KAT6B: variants seen among roughly 807,000 people sequenced by gnomAD.
The protein encoded by KAT6B is histone acetyltransferase KAT6B.
A neutral mutation model predicts 187.5 loss-of-function variants in KAT6B; 10 were observed. The observed-to-expected ratio is 0.05, with a 90% CI of 0.03 to 0.09. The LOEUF (loss-of-function observed/expected upper bound fraction) is 0.09, where lower values mean the gene tolerates loss of function less well. Ranked by LOEUF, KAT6B falls within the 10% of genes least tolerant of loss-of-function variation. The probability of loss-of-function intolerance (pLI) is 1.00; values close to 1 mark genes in which losing one functional copy is unlikely to be tolerated. For synonymous variants in KAT6B, 861 were observed against 926.8 expected (o/e 0.93, Z 1.29); for missense variants, 1,952 against 2,558.9 (o/e 0.76, Z 5.12).
intron 1 of KAT6B, among the ~76,000 whole-genome samples, chr10:74,834,883 T>C (rs1841171594): frequency 6.6e-6 from 1 of 152,238 alleles, no homozygotes; most frequent in African/African-American, 2.4e-5. Context: ...GGACTTGGTG[T>C]CCCTTTTGTT....
At chr10:74,977,204 A>T (rs1842214206) in intron 8 of KAT6B, 112 bp from the exon 9 acceptor site, 1 of 1,122,860 alleles carries the variant, frequency 8.9e-7, no homozygotes, top group Non-Finnish European at 1.3e-6. Flanking sequence ...ATAAAGCTTT[A>T]AAAAAAATCC....
At chr10:74,944,843 T>C (rs1048674424) in intron 3 of KAT6B, among the ~76,000 whole-genome samples, 2 of 138,658 alleles carry the variant, frequency 1.4e-5, no homozygotes, top group Non-Finnish European at 3.1e-5. Flanking sequence ...AGGATATGCA[T>C]ATTAAAATCA....
At chr10:74,914,562 G>A (rs1847512916) in intron 3 of KAT6B, among the ~76,000 whole-genome samples, 1 of 152,118 alleles carries the variant, frequency 6.6e-6, no homozygotes, top group East Asian at 1.9e-4. Flanking sequence ...GTGAGTGAGG[G>A]ACGTCAGCCA....
chr10:74,914,746 G>A (rs1017851928), intron 3 of KAT6B, among the ~76,000 whole-genome samples: 5 of 152,004 alleles, frequency 3.3e-5, no homozygotes, highest in Non-Finnish European at 7.4e-5. Context: ...CTTTGTTTTC[G>A]AAGACTAGTT....
At chr10:74,991,351 A>G (rs1289416683) in intron 13 of KAT6B, among the ~76,000 whole-genome samples, 1 of 152,240 alleles carries the variant, frequency 6.6e-6, no homozygotes, top group Non-Finnish European at 1.5e-5. Context: ...GGTACTTACT[A>G]GGTAAAAGTT....
chr10:75,021,032 G>T, intron 14 of KAT6B, 94 bp from the exon 15 acceptor site: 1 of 1,263,748 alleles, frequency 7.9e-7, no homozygotes, highest in Non-Finnish European at 1.2e-6. Context: ...TTTTCCTAAC[G>T]CAGATAACAT....
intron 3 of KAT6B, among the ~76,000 whole-genome samples, chr10:74,856,822 A>C (rs554249459): frequency 6.6e-6 from 1 of 152,260 alleles, no homozygotes; most frequent in South Asian, 2.1e-4. Flanking sequence ...GATTGCTTGA[A>C]TCCAGGAGAT....
At chr10:74,981,481 T>C (rs1230370232) in intron 10 of KAT6B, among the ~76,000 whole-genome samples, 1 of 152,126 alleles carries the variant, frequency 6.6e-6, no homozygotes, top group Admixed American at 6.5e-5. Flanking sequence ...TTAAGCGATC[T>C]TCCTGCCTCA....
intron 3 of KAT6B, 133 bp from the exon 4 acceptor site, chr10:74,959,837 A>T (rs1840966608): frequency 1.5e-6 from 1 of 682,318 alleles, no homozygotes; most frequent in African/African-American, 1.8e-5. Flanking sequence ...TTATTTAAAT[A>T]CGTTATTTAG....
intron 3 of KAT6B, among the ~76,000 whole-genome samples, chr10:74,889,730 G>A (rs1379174553): frequency 1.3e-5 from 2 of 152,182 alleles, no homozygotes; most frequent in Admixed American, 1.3e-4. Flanking sequence ...GAATAAATGG[G>A]CTTTTAAATC....
intron 6 of KAT6B, among the ~76,000 whole-genome samples, chr10:74,972,298 G>A (rs968126181): frequency 1.4e-4 from 22 of 151,986 alleles, no homozygotes; most frequent in African/African-American, 5.1e-4. Context: ...TGAGAGAGGG[G>A]CCACCTCTGC....
At chr10:74,973,590 TCTCA>T (rs1296209747) in intron 7 of KAT6B, among the ~76,000 whole-genome samples, 1 of 152,210 alleles carries the variant, frequency 6.6e-6, no homozygotes, top group Non-Finnish European at 1.5e-5. Flanking sequence ...CTGAAGCTGC[TCTCA>T]CTATCTTATT....
At chr10:75,001,136 G>T (rs976592516) in intron 13 of KAT6B, among the ~76,000 whole-genome samples, 2 of 152,102 alleles carry the variant, frequency 1.3e-5, no homozygotes, top group African/African-American at 4.8e-5. Flanking sequence ...AGATGCTTTA[G>T]GGTATGATTT....
At chr10:74,955,383 T>TCTCC (rs780626865) in intron 3 of KAT6B, among the ~76,000 whole-genome samples, 13 of 101,426 alleles carry the variant, frequency 1.3e-4, no homozygotes, top group African/African-American at 3.5e-4. Flanking sequence ...CACAATTTTA[T>TCTCC]CCCCCCCCCC....
chr10:74,840,831 A>G (rs542643030), intron 2 of KAT6B, among the ~76,000 whole-genome samples: 1 of 152,326 alleles, frequency 6.6e-6, no homozygotes, highest in Non-Finnish European at 1.5e-5. Context: ...TTGAACAAGT[A>G]TAGTTCAATG....
chr10:74,917,834 A>G (rs994597286), intron 3 of KAT6B, among the ~76,000 whole-genome samples: 2 of 152,250 alleles, frequency 1.3e-5, no homozygotes, highest in Non-Finnish European at 2.9e-5. Context: ...ATTTGGCATG[A>G]AAGTGTGAAA....
intron 4 of KAT6B, 30 bp from the exon 5 acceptor site, chr10:74,969,630 C>G (rs753791132): frequency 1.5e-6 from 2 of 1,326,308 alleles, no homozygotes; most frequent in Admixed American, 3.4e-5. Context: ...GCACCATTCC[C>G]ATCAAGCAAT....
At chr10:75,018,429 A>G (rs187598110) in intron 13 of KAT6B, among the ~76,000 whole-genome samples, 3 of 152,318 alleles carry the variant, frequency 2.0e-5, no homozygotes, top group African/African-American at 2.4e-5. Flanking sequence ...AATGCTCCCC[A>G]TGGACCCCAA....
rs1232033590 is a variant in KAT6B, at chr10:74,860,412, A to G, written c.621+16934A>G. ...TTATTGTGTATATTAAGCATTTAATATATACAATATAATTTTGCATGAACT... is the reference window on the plus strand; with the variant it reads ...TTATTGTGTATATTAAGCATTTAATGTATACAATATAATTTTGCATGAACT... On this transcript the variant is annotated intron_variant, in intron 3 of 17. Coordinates refer to ENST00000287239, the MANE Select transcript of KAT6B (RefSeq NM_012330.4). 2.0e-5 allele frequency among the ~76,000 whole-genome samples: 3 copies of G among 152,370 alleles called. No individual in the cohort carries two copies. In the East Asian group the frequency reaches 5.8e-4, roughly 29 times the overall value.
Sources: gnomAD v4.1 joint callset for allele counts (sites outside exome capture counted in the v4.1 genomes callset) on GRCh38, gnomAD v4.1.1 for gene constraint, MANE v1.5 for transcripts, NCBI Gene and HGNC (gene_info 2026-07-23, HGNC 2026-07-21) for gene names.